Variants in TBC1D8B observed in about 807,000 individuals in gnomAD.
The protein encoded by TBC1D8B is TBC1 domain family member 8B, also known as RP11-321G1.1.
A neutral mutation model predicts 82.9 loss-of-function variants in TBC1D8B; 75 were observed. That is an observed-to-expected ratio of 0.90 (90% CI 0.75 to 1.10). TBC1D8B has a LOEUF of 1.10. TBC1D8B is among the 50% of genes least tolerant of loss of function. The pLI, the probability that TBC1D8B is intolerant of heterozygous loss-of-function variation, is 0.00. For synonymous variants in TBC1D8B, 276 were observed against 276.8 expected, an observed-to-expected ratio of 1.00 and a Z score of 0.03; for missense variants, 794 against 796.9, an observed-to-expected ratio of 1.00 and a Z score of 0.04.
chrX:106,843,549 T>C (rs1476212021), intron 10 of TBC1D8B, among the ~76,000 whole-genome samples: 2 of 111,865 alleles, frequency 1.8e-5, no homozygotes, highest in Admixed American at 9.5e-5. Context: ...TTCTATTCCA[T>C]TGATTTATAC....
intron 1 of TBC1D8B, among the ~76,000 whole-genome samples, chrX:106,808,002 G>A (rs1340782919): frequency 9.1e-6 from 1 of 110,308 alleles, no homozygotes; most frequent in Non-Finnish European, 1.9e-5. Context: ...GCAGTGAACC[G>A]AGATCGCACT....
chrX:106,827,906 C>G (rs1931897160), intron 7 of TBC1D8B: 1 of 110,896 alleles, frequency 9.0e-6, no homozygotes, highest in Non-Finnish European at 1.9e-5. Flanking sequence ...CAAACACTTT[C>G]AAAAGCTAGC....
Position 106,853,611 on chromosome X carries a change from TAG to T in TBC1D8B, c.2217_2218del (p.Arg739SerfsTer8). 1.7e-6 allele frequency: 2 copies of T among 1,209,326 alleles called. No homozygotes were observed. The highest frequency in any genetic ancestry group is 2.2e-6 in the Non-Finnish European group (2 of 893,459). On this transcript the variant is annotated frameshift_variant, in exon 13 of 21. Coordinates refer to ENST00000357242, the MANE Select transcript of TBC1D8B (RefSeq NM_017752.3). LOFTEE classifies it high-confidence loss of function. The part of the protein sequence containing the change: ...NVSDEKTSHT[R>X]VDITDLIRES... ...TGAGTGATGAAAAAACCAGTCATAC[TAG>T]AGTGGATATTACAGATTTGATTAGA... is the stretch of plus-strand genomic sequence containing the variant.
At chrX:106,822,700 A>T (rs1048894925) in intron 4 of TBC1D8B, among the ~76,000 whole-genome samples, 21 of 110,567 alleles carry the variant, frequency 1.9e-4, no homozygotes, top group African/African-American at 6.9e-4. Flanking sequence ...TTTTTTTTAA[A>T]AATTATCTAA....
intron 1 of TBC1D8B, among the ~76,000 whole-genome samples, chrX:106,811,664 G>A (rs931666140): frequency 8.9e-6 from 1 of 112,097 alleles, no homozygotes; most frequent in African/African-American, 3.2e-5. Flanking sequence ...GTACTACACT[G>A]TATACCAGTT....
In TBC1D8B at chrX:106,874,172, A is replaced by C; in HGVS notation, c.*207A>C. The C allele has an allele frequency of 3.2e-6, 1 of 311,937 alleles. No homozygotes were observed. The highest frequency in any genetic ancestry group is 5.5e-6 in the Non-Finnish European group (1 of 182,933). The allele number at this position is 311,937 out of a possible 1,213,427, so 25.7% of individuals were successfully genotyped here. On this transcript the variant is annotated 3_prime_UTR_variant, in exon 21 of 21. Transcript: ENST00000357242. ...TAAAACAAACAAACAAACAAAACAA[A>C]AAAGCAAACCACATTTGTTATCTCA...
chrX:106,852,628 A>C (rs1932614420), intron 12 of TBC1D8B, among the ~76,000 whole-genome samples: 1 of 109,939 alleles, frequency 9.1e-6, no homozygotes, highest in Non-Finnish European at 1.9e-5. Flanking sequence ...TCAGCTTTCT[A>C]CATATGGCTA....
chrX:106,826,108 A>G lies in TBC1D8B; in HGVS notation c.906A>G (p.Val302=), dbSNP rs1236872089. The change falls in exon 6 of 21, where the codon GTA becomes GTG. Residue 302 remains valine (V), a synonymous_variant. Transcript: ENST00000357242. ...CCAAAGGAGAGAGTTTGAAAGAAGT[A>G]CATGAATGTTTCTTATGGGTACCAT... is the stretch of plus-strand genomic sequence containing the variant. ...RLPKGESLKE[V]HECFLWVPFS... is the part of the protein sequence containing the mutation. 8.3e-7 allele frequency: 1 copy of G among 1,210,955 alleles called. No homozygotes were observed. The highest frequency in any genetic ancestry group is 1.1e-6 in the Non-Finnish European group (1 of 894,937).
At position 106,865,832 on chromosome X, in the gene TBC1D8B, C is replaced by T; in HGVS notation, c.2461C>T (p.Pro821Ser). The part of the protein sequence containing the change: ...FLSCYWCLGC[P>S]VLKHHDPSLP... ...ATCTTGTTATTGGTGTTTGGGTTGCCCAGTATTGAAGCATCATGACCCCAG... is the reference window on the plus strand; with the variant it reads ...ATCTTGTTATTGGTGTTTGGGTTGCTCAGTATTGAAGCATCATGACCCCAG... The change falls in exon 16 of 21, where the codon CCA (proline) becomes TCA (serine). Residue 821 changes from proline to serine, a missense_variant. Pro to Ser is a moderately conservative substitution (Grantham distance 74). Coordinates refer to ENST00000357242, the MANE Select transcript of TBC1D8B (RefSeq NM_017752.3). 1.7e-6 allele frequency: 2 copies of T among 1,207,804 alleles called. No homozygotes were observed. The highest frequency in any genetic ancestry group is 2.2e-6 in the Non-Finnish European group (2 of 893,581).
intron 4 of TBC1D8B, 38 bp downstream of exon 4, chrX:106,822,240 G>A (rs1161661038): frequency 1.7e-5 from 18 of 1,057,236 alleles, no homozygotes; most frequent in Non-Finnish European, 2.3e-5. Context: ...CCTTGAATTT[G>A]CTGTCTGACC....
chrX:106,824,691 C>T (rs771356031), intron 5 of TBC1D8B, among the ~76,000 whole-genome samples: 3 of 111,044 alleles, frequency 2.7e-5, no homozygotes, highest in African/African-American at 9.8e-5. Context: ...ATCACCAAAT[C>T]GGTATTTAAT....
intron 14 of TBC1D8B, among the ~76,000 whole-genome samples, chrX:106,864,990 T>C (rs1464180516): frequency 8.9e-6 from 1 of 112,452 alleles, no homozygotes; most frequent in Non-Finnish European, 1.9e-5. Context: ...TAATTTTCTG[T>C]ATTTCATCAA....
intron 10 of TBC1D8B, among the ~76,000 whole-genome samples, chrX:106,847,432 A>G (rs755721397): frequency 8.9e-6 from 1 of 111,878 alleles, no homozygotes; most frequent in South Asian, 3.7e-4. Context: ...TTCTGGGTAC[A>G]TAGGATACAA....
chrX:106,835,098 C>G (rs750737247), intron 7 of TBC1D8B, among the ~76,000 whole-genome samples: 3 of 112,343 alleles, frequency 2.7e-5, no homozygotes, highest in African/African-American at 6.5e-5. Flanking sequence ...GCAGAGGTTC[C>G]CCCATGAGGA....
Position 106,853,575 on chromosome X carries a change from A to G in TBC1D8B, c.2178A>G (p.Gln726=), listed in dbSNP as rs772055174. 13 of 1,206,524 alleles carry G rather than the reference A, an allele frequency of 1.1e-5. No homozygotes were observed. In the East Asian group the frequency reaches 3.0e-4, roughly 28 times the overall value. The change falls in exon 13 of 21, where the codon CAA becomes CAG. Residue 726 remains glutamine (Q), a synonymous_variant. Coordinates refer to ENST00000357242, the MANE Select transcript of TBC1D8B (RefSeq NM_017752.3). ...GTCCATTGCCTTCAAATGTTCAGCAAGGTTCAAATGTGAGTGATGAAAAAA... is the reference window on the plus strand; with the variant it reads ...GTCCATTGCCTTCAAATGTTCAGCAGGGTTCAAATGTGAGTGATGAAAAAA... ...KDSPLPSNVQ[Q]GSNVSDEKTS... is the part of the protein sequence containing the mutation.
At chrX:106,853,387 C>T (rs1932631816) in intron 12 of TBC1D8B, 134 bp from the exon 13 acceptor site, 1 of 570,529 alleles carries the variant, frequency 1.8e-6, no homozygotes, top group Non-Finnish European at 2.7e-6. Flanking sequence ...CAAAGTTCCA[C>T]TTCTTCATAA....
intron 1 of TBC1D8B, among the ~76,000 whole-genome samples, chrX:106,807,454 CTTT>C (rs753069652): frequency 4.7e-4 from 40 of 85,652 alleles, no homozygotes; most frequent in African/African-American, 1.5e-3. Flanking sequence ...TTACCCTCAC[CTTT>C]TTTTTTTTTT....
At position 106,876,071 on chromosome X, in the gene TBC1D8B, C is replaced by T. The variant is rs761175805; in HGVS notation, c.*2106C>T. On this transcript the variant is annotated 3_prime_UTR_variant, in exon 21 of 21. Transcript: ENST00000357242. Reference sequence around the variant, plus strand: ...GTTAAACTGAACCAGTTCATTATACCTTATGCATTAAATTAAATATGTTAT... The same window carrying T: ...GTTAAACTGAACCAGTTCATTATACTTTATGCATTAAATTAAATATGTTAT... 2.3e-4 allele frequency: 26 copies of T among 111,143 alleles called. No homozygotes were observed. Among genetic ancestry groups the T allele is most frequent in the Non-Finnish European group, 4.5e-4 (24 of 52,994 alleles). 9.2% of individuals were successfully genotyped at this position (111,143 alleles called of 1,213,427 possible). A position where few individuals can be genotyped will look rare whatever the true frequency, so the allele number is the denominator to read the frequency against.
intron 1 of TBC1D8B, among the ~76,000 whole-genome samples, chrX:106,817,778 A>G (rs1325777905): frequency 9.0e-6 from 1 of 111,525 alleles, no homozygotes; most frequent in Non-Finnish European, 1.9e-5. Flanking sequence ...TGAGGATTTC[A>G]TAGGGGAAGT....
Sources: gnomAD v4.1 joint callset for allele counts (sites outside exome capture counted in the v4.1 genomes callset) on GRCh38, gnomAD v4.1.1 for gene constraint, MANE v1.5 for transcripts, NCBI Gene and HGNC (gene_info 2026-07-23, HGNC 2026-07-21) for gene names.